The following TACR3 variants were observed in gnomAD, a reference collection of about 807,000 sequenced individuals.
The protein encoded by TACR3 is neuromedin-K receptor.
TACR3 carries 34 observed loss-of-function variants against 35.0 expected under a neutral mutation model. The observed-to-expected ratio is 0.97, with a 90% CI of 0.74 to 1.30. The LOEUF is 1.30. Ranked by LOEUF, TACR3 falls within the 50% of genes most tolerant of loss-of-function variation. TACR3 has a pLI of 0.00. For synonymous variants in TACR3, 233 were observed against 221.1 expected, an observed-to-expected ratio of 1.05 and a Z score of -0.48; for missense variants, 558 against 591.7, an observed-to-expected ratio of 0.94 and a Z score of 0.59.
chr4:103,618,564 CTTTTTTTTTTT>C (rs57837921), intron 3 of TACR3, among the ~76,000 whole-genome samples: 29 of 61,454 alleles, frequency 4.7e-4, no homozygotes, highest in South Asian at 7.6e-4. Context: ...GTGACTTGGG[CTTTTTTTTTTT>C]TTTTTTTTTT....
rs1458405524 is a variant in TACR3, at chr4:103,589,962, C to T, written c.1118G>A (p.Trp373Ter). 7 of 1,613,798 alleles carry T rather than the reference C, an allele frequency of 4.3e-6. No individual in the cohort carries two copies. The highest frequency in any genetic ancestry group is 5.9e-6 in the Non-Finnish European group (7 of 1,179,836). Residue 373 changes from tryptophan (W) to a stop codon, truncating the protein, a stop_gained, in exon 5 of 5, where the codon TGG becomes TAG. Coordinates refer to ENST00000304883, the MANE Select transcript of TACR3 (RefSeq NM_001059.3). LOFTEE classifies it low-confidence loss of function (END_TRUNC). ...GCTGGAAACTTTGATGAAAGGACAC[C>T]AGCGAAATGCTCTCTTGAAGCCAGC... is the stretch of plus-strand genomic sequence containing the variant. Reference protein sequence around the residue: ...FRAGFKRAFRWCPFIKVSSYD... With the variant: ...FRAGFKRAFR
chr4:103,698,415 C>A (rs563821890), intron 1 of TACR3, among the ~76,000 whole-genome samples: 1 of 144,224 alleles, frequency 6.9e-6, no homozygotes, highest in East Asian at 1.9e-4. Flanking sequence ...AGTCTCAAAT[C>A]TTTTTCTCCA....
intron 3 of TACR3, among the ~76,000 whole-genome samples, chr4:103,621,066 T>C (rs1724766107): frequency 6.6e-6 from 1 of 152,216 alleles, no homozygotes; most frequent in Non-Finnish European, 1.5e-5. Context: ...AGAACATTAC[T>C]TATATAATGT....
intron 1 of TACR3, among the ~76,000 whole-genome samples, chr4:103,685,650 A>G (rs1722211143): frequency 6.6e-6 from 1 of 152,196 alleles, no homozygotes; most frequent in South Asian, 2.1e-4. Context: ...AGAACTTTAA[A>G]CACTTCACAA....
At chr4:103,595,597 A>G (rs1285494925) in intron 3 of TACR3, among the ~76,000 whole-genome samples, 7 of 152,108 alleles carry the variant, frequency 4.6e-5, no homozygotes, top group African/African-American at 1.7e-4. Context: ...CTTATTCATT[A>G]CATTAAATTA....
chr4:103,709,116 C>G (rs1277805699), intron 1 of TACR3, among the ~76,000 whole-genome samples: 1 of 152,094 alleles, frequency 6.6e-6, no homozygotes, highest in Non-Finnish European at 1.5e-5. Flanking sequence ...CCCCAACCTA[C>G]CAACGCAGGC....
intron 3 of TACR3, among the ~76,000 whole-genome samples, chr4:103,646,452 TTATA>T (rs1725456446): frequency 6.6e-6 from 1 of 152,056 alleles, no homozygotes; most frequent in Admixed American, 6.6e-5. Context: ...TTGATGCATT[TTATA>T]ATTATAATCA....
chr4:103,666,112 AT>A (rs1360972275), intron 1 of TACR3, among the ~76,000 whole-genome samples: 1 of 152,212 alleles, frequency 6.6e-6, no homozygotes, highest in African/African-American at 2.4e-5. Context: ...CCTTTTGGAA[AT>A]TCTGGTGAAT....
chr4:103,597,300 G>C (rs1238986178), intron 3 of TACR3, among the ~76,000 whole-genome samples: 2 of 152,036 alleles, frequency 1.3e-5, no homozygotes, highest in Non-Finnish European at 2.9e-5. Flanking sequence ...CATTCTAACT[G>C]GTGTGAGATG....
intron 1 of TACR3, among the ~76,000 whole-genome samples, chr4:103,717,381 CAAAG>C (rs1723112286): frequency 2.0e-5 from 3 of 151,548 alleles, no homozygotes; most frequent in African/African-American, 7.3e-5. Context: ...ATGCTTTACA[CAAAG>C]AAATAGTAAA....
intron 3 of TACR3, among the ~76,000 whole-genome samples, chr4:103,616,517 C>G (rs1724665172): frequency 6.6e-6 from 1 of 152,048 alleles, no homozygotes; most frequent in African/African-American, 2.4e-5. Context: ...GAGAAAAATC[C>G]TCAGTAAAAA....
chr4:103,613,100 A>C (rs1283650251), intron 3 of TACR3, among the ~76,000 whole-genome samples: 1 of 152,174 alleles, frequency 6.6e-6, no homozygotes, highest in African/African-American at 2.4e-5. Context: ...ATGTGCAAAA[A>C]TGGTCAATAT....
intron 3 of TACR3, among the ~76,000 whole-genome samples, chr4:103,615,955 G>A (rs1260894663): frequency 6.6e-6 from 1 of 152,146 alleles, no homozygotes; most frequent in Non-Finnish European, 1.5e-5. Context: ...CTGAGAAAGA[G>A]TAATATCCTC....
At chr4:103,632,729 G>T (rs1393735673) in intron 3 of TACR3, among the ~76,000 whole-genome samples, 1 of 151,904 alleles carries the variant, frequency 6.6e-6, no homozygotes, top group African/African-American at 2.4e-5. Flanking sequence ...GAAAGCTTAT[G>T]AAGAAAGAAT....
Position 103,719,399 on chromosome 4 carries a change from C to G in TACR3, c.277G>C (p.Gly93Arg). Residue 93 changes from glycine (G) to arginine (R), a missense_variant, in exon 1 of 5, where the codon GGT (glycine) becomes CGT (arginine). Coordinates refer to ENST00000304883, the MANE Select transcript of TACR3 (RefSeq NM_001059.3). ...AAAACTGCCACTGCCACCACCACACCATACGCCAGGGACCAGAGCGCGATG... is the reference window on the plus strand; with the variant it reads ...AAAACTGCCACTGCCACCACCACACGATACGCCAGGGACCAGAGCGCGATG... ...WRIALWSLAY[G>R]VVVAVAVLGN... The G allele has an allele frequency of 6.2e-7, 1 of 1,614,240 alleles. No individual in the cohort carries two copies. The highest frequency in any genetic ancestry group is 8.5e-7 in the Non-Finnish European group (1 of 1,180,054).
At chr4:103,597,349 T>G (rs942974691) in intron 3 of TACR3, among the ~76,000 whole-genome samples, 3 of 152,136 alleles carry the variant, frequency 2.0e-5, no homozygotes, top group Non-Finnish European at 2.9e-5. Flanking sequence ...TCTCTGTTGG[T>G]ACAAGATTGA....
chr4:103,598,240 A>G (rs1724090555), intron 3 of TACR3, among the ~76,000 whole-genome samples: 2 of 152,328 alleles, frequency 1.3e-5, no homozygotes, highest in South Asian at 4.1e-4. Flanking sequence ...TTTCGGCTGC[A>G]TAAATGTCTT....
intron 3 of TACR3, among the ~76,000 whole-genome samples, chr4:103,598,226 T>C (rs537798671): frequency 1.9e-4 from 29 of 152,364 alleles, no homozygotes; most frequent in African/African-American, 7.0e-4. Flanking sequence ...TTTTTTCATG[T>C]GTTTTTCGGC....
At chr4:103,644,404 C>T (rs1369505838) in intron 3 of TACR3, among the ~76,000 whole-genome samples, 2 of 151,760 alleles carry the variant, frequency 1.3e-5, no homozygotes, top group African/African-American at 2.4e-5. Context: ...TAAGCAAAAG[C>T]TTTTAAAGAA....
Sources: gnomAD v4.1 joint callset for allele counts (sites outside exome capture counted in the v4.1 genomes callset) on GRCh38, gnomAD v4.1.1 for gene constraint, MANE v1.5 for transcripts, NCBI Gene and HGNC (gene_info 2026-07-23, HGNC 2026-07-21) for gene names.